CLASP2: variants seen among roughly 807,000 people sequenced by gnomAD.
CLASP2 encodes the protein cytoplasmic linker associated protein 2, also known as CLIP-associating protein 2.
Under a neutral mutation model 194.4 loss-of-function variants are expected in CLASP2, and 47 were observed. That is an observed-to-expected ratio of 0.24 (90% CI 0.19 to 0.31). The LOEUF (loss-of-function observed/expected upper bound fraction) is 0.31. CLASP2 is among the 10% of genes least tolerant of loss of function. The probability of loss-of-function intolerance (pLI) is 1.00; values close to 1 mark genes in which losing one functional copy is unlikely to be tolerated. For synonymous variants in CLASP2, 619 were observed against 633.5 expected (o/e 0.98, Z 0.34); for missense variants, 1,445 against 1,823.6 (o/e 0.79, Z 3.78).
At chr3:33,675,164 T>G (rs1044751208) in intron 6 of CLASP2, among the ~76,000 whole-genome samples, 1 of 152,096 alleles carries the variant, frequency 6.6e-6, no homozygotes, top group African/African-American at 2.4e-5. Flanking sequence ...ATATCCTTGA[T>G]GAACATTGAT....
chr3:33,600,536 T>C (rs1348652291), intron 18 of CLASP2, among the ~76,000 whole-genome samples: 1 of 152,244 alleles, frequency 6.6e-6, no homozygotes, highest in Non-Finnish European at 1.5e-5. Flanking sequence ...CATACTGAAA[T>C]AACCTTGCAT....
chr3:33,596,782 G>A (rs1159855625), intron 18 of CLASP2, 48 bp from the exon 19 acceptor site: 2 of 1,418,250 alleles, frequency 1.4e-6, no homozygotes, highest in Admixed American at 2.1e-5. Flanking sequence ...TAGTATATTA[G>A]AAGAAATGAT....
intron 10 of CLASP2, among the ~76,000 whole-genome samples, chr3:33,626,649 A>G (rs2078105393): frequency 6.6e-6 from 1 of 152,144 alleles, no homozygotes; most frequent in Non-Finnish European, 1.5e-5. Context: ...GGTAAACCTT[A>G]TATGACTTGA....
At position 33,645,081 on chromosome 3, in the gene CLASP2, C is replaced by T. The variant is rs570250433; in HGVS notation, c.716-178G>A. 414 of 682,536 alleles carry T rather than the reference C, an allele frequency of 6.1e-4. 4 individuals are homozygous for T. Among genetic ancestry groups the T allele is most frequent in the Middle Eastern group, 5.3e-3 (22 of 4,134 alleles). The allele number at this position is 682,536 out of a possible 1,614,324, so 42.3% of individuals were successfully genotyped here. A position where few individuals can be genotyped will look rare whatever the true frequency, so the allele number is the denominator to read the frequency against. On this transcript the variant is annotated intron_variant, in intron 7 of 38. Coordinates refer to ENST00000682230, the MANE Select transcript of CLASP2 (RefSeq NM_001365631.1). ...TTGGCTAACACCATATAAAATAATCCTCTGTAATTCAAAATCAAAATGCAG... is the reference window on the plus strand; with the variant it reads ...TTGGCTAACACCATATAAAATAATCTTCTGTAATTCAAAATCAAAATGCAG...
chr3:33,533,633 G>T (rs2056769342), intron 34 of CLASP2, among the ~76,000 whole-genome samples: 1 of 152,194 alleles, frequency 6.6e-6, no homozygotes, highest in Admixed American at 6.5e-5. Flanking sequence ...ATGTAAATAG[G>T]TAGTAAGTTT....
chr3:33,584,444 T>C (rs1406352195), intron 22 of CLASP2, among the ~76,000 whole-genome samples: 1 of 151,676 alleles, frequency 6.6e-6, no homozygotes, highest in Non-Finnish European at 1.5e-5. Flanking sequence ...GGCTAATTTT[T>C]GTATTTTTAG....
intron 23 of CLASP2, among the ~76,000 whole-genome samples, chr3:33,578,608 G>C (rs974158623): frequency 6.6e-6 from 1 of 152,150 alleles, no homozygotes; most frequent in South Asian, 2.1e-4. Context: ...AGTTAGCCCC[G>C]AAAGGTGACT....
intron 18 of CLASP2, among the ~76,000 whole-genome samples, chr3:33,601,322 G>C (rs1459935017): frequency 1.3e-5 from 2 of 152,104 alleles, no homozygotes; most frequent in Non-Finnish European, 2.9e-5. Context: ...TTGTGTTATA[G>C]TTACAGGTCT....
intron 28 of CLASP2, 37 bp from the exon 29 acceptor site, chr3:33,559,422 A>G (rs533216000): frequency 8.0e-7 from 1 of 1,252,318 alleles, no homozygotes; most frequent in African/African-American, 1.5e-5. Flanking sequence ...ACAAAAATTT[A>G]GTTAGCAAGT....
At position 33,498,552 on chromosome 3, in the gene CLASP2, T is replaced by G; in HGVS notation, c.*79A>C. ...CAATAGTAAGTTCCAAAGGATGTGT[T>G]TGAGAACTTCCTTTCATTGATGAGG... On this transcript the variant is annotated 3_prime_UTR_variant, in exon 39 of 39. Coordinates refer to ENST00000682230, the MANE Select transcript of CLASP2 (RefSeq NM_001365631.1). 2 of 904,682 alleles carry G rather than the reference T, an allele frequency of 2.2e-6. No homozygotes were observed. The highest frequency in any genetic ancestry group is 1.7e-5 in the African/African-American group (1 of 59,856). The allele number at this position is 904,682 out of a possible 1,614,324, so 56.0% of individuals were successfully genotyped here.
chr3:33,551,763 G>A (rs1034426490), intron 29 of CLASP2, among the ~76,000 whole-genome samples: 3 of 152,174 alleles, frequency 2.0e-5, no homozygotes, highest in African/African-American at 7.2e-5. Flanking sequence ...AGACTATCTT[G>A]ACAAGATTAT....
intron 6 of CLASP2, among the ~76,000 whole-genome samples, chr3:33,667,177 C>T (rs745503490): frequency 2.0e-5 from 3 of 151,782 alleles, no homozygotes; most frequent in Non-Finnish European, 2.9e-5. Context: ...TTTAGGAGGC[C>T]GAGGCAGGCG....
intron 19 of CLASP2, among the ~76,000 whole-genome samples, chr3:33,595,598 A>G (rs1342867579): frequency 6.6e-6 from 1 of 152,102 alleles, no homozygotes; most frequent in African/African-American, 2.4e-5. Flanking sequence ...GCGCAATAAT[A>G]TACGTCTGTG....
chr3:33,687,825 A>C (rs1178935361), intron 4 of CLASP2, among the ~76,000 whole-genome samples: 2 of 152,194 alleles, frequency 1.3e-5, no homozygotes, highest in African/African-American at 4.8e-5. Context: ...AACTCTACAC[A>C]CAGCTACCAG....
chr3:33,544,964 T>C, intron 30 of CLASP2, 123 bp from the exon 31 acceptor site: 2 of 604,676 alleles, frequency 3.3e-6, no homozygotes, highest in Non-Finnish European at 5.0e-6. Context: ...AAAAGGAAGA[T>C]ATTCTTATTT....
chr3:33,602,355 C>T, intron 18 of CLASP2: 2 of 580,366 alleles, frequency 3.4e-6, no homozygotes, highest in Middle Eastern at 4.5e-4. Flanking sequence ...ATTAGGTATG[C>T]TCAACCTGTA....
At chr3:33,571,391 G>A (rs533412529) in intron 25 of CLASP2, among the ~76,000 whole-genome samples, 142 of 151,982 alleles carry the variant, frequency 9.3e-4, no homozygotes, top group African/African-American at 3.4e-3. Context: ...CACTTTGGAA[G>A]GTCGAGGTGG....
At chr3:33,534,662 T>C in intron 34 of CLASP2, among the ~76,000 whole-genome samples, 1 of 152,196 alleles carries the variant, frequency 6.6e-6, no homozygotes, top group East Asian at 1.9e-4. Context: ...GATTAGGTAG[T>C]ATAATCATCA....
intron 23 of CLASP2, chr3:33,577,373 T>G (rs149297910): frequency 1.2e-6 from 1 of 822,064 alleles, no homozygotes; most frequent in Non-Finnish European, 1.9e-6. Context: ...TTATTCTTTA[T>G]AGTTAATGAT....
Sources: allele counts gnomAD v4.1 joint callset (sites outside exome capture counted in the v4.1 genomes callset), GRCh38; gene constraint gnomAD v4.1.1; transcripts MANE v1.5; gene names NCBI Gene and HGNC (gene_info 2026-07-23, HGNC 2026-07-21).